ATP8A1: variants seen among roughly 807,000 people sequenced by gnomAD.
ATP8A1 encodes the protein phospholipid-transporting ATPase IA.
ATP8A1 carries 90 observed loss-of-function variants against 177.7 expected under a neutral mutation model. The observed-to-expected ratio is 0.51, with a 90% CI of 0.43 to 0.60. The LOEUF is 0.60. ATP8A1 is among the 20% of genes least tolerant of loss of function. The probability of loss-of-function intolerance (pLI) is 0.00; values close to 1 mark genes in which losing one functional copy is unlikely to be tolerated. For synonymous variants in ATP8A1, 493 were observed against 485.9 expected (o/e 1.01, Z -0.19); for missense variants, 1,072 against 1,392.8 (o/e 0.77, Z 3.67).
chr4:42,637,304 C>G lies in ATP8A1; in HGVS notation c.50-10195G>C, dbSNP rs1190291324. 4 of 481,936 alleles carry G rather than the reference C, an allele frequency of 8.3e-6. No individual in the cohort carries two copies. In the East Asian group the frequency reaches 2.2e-4, roughly 27 times the overall value. The allele number at this position is 481,936 out of a possible 1,614,324, so 29.9% of individuals were successfully genotyped here. On this transcript the variant is annotated intron_variant, in intron 1 of 36. Transcript: ENST00000381668. ...TGTTAACAGCTGCCCTAAACAAGCT[C>G]TGAGTCCAGCACGTTCTGGGACAAC...
intron 20 of ATP8A1, among the ~76,000 whole-genome samples, chr4:42,532,197 T>C (rs552353465): frequency 1.3e-4 from 20 of 151,682 alleles, no homozygotes; most frequent in Admixed American, 2.6e-4. Context: ...AAGATCTCTA[T>C]AAGAAAAACA....
At chr4:42,596,420 C>T (rs941442650) in intron 6 of ATP8A1, among the ~76,000 whole-genome samples, 12 of 151,678 alleles carry the variant, frequency 7.9e-5, no homozygotes, top group African/African-American at 1.9e-4. Flanking sequence ...CTGTAATCCC[C>T]GTACTTTGGG....
At chr4:42,582,845 C>T (rs1733236387) in intron 9 of ATP8A1, among the ~76,000 whole-genome samples, 3 of 152,132 alleles carry the variant, frequency 2.0e-5, no homozygotes, top group South Asian at 4.1e-4. Flanking sequence ...CTGGGTGATA[C>T]AACTCACACA....
At chr4:42,436,598 T>C (rs770461126) in intron 33 of ATP8A1, among the ~76,000 whole-genome samples, 1 of 152,220 alleles carries the variant, frequency 6.6e-6, no homozygotes, top group Non-Finnish European at 1.5e-5. Flanking sequence ...GTTGGGGGCA[T>C]GAGGACTGTG....
chr4:42,596,360 A>G (rs1267279256), intron 6 of ATP8A1, among the ~76,000 whole-genome samples: 1 of 152,162 alleles, frequency 6.6e-6, no homozygotes, highest in Non-Finnish European at 1.5e-5. Flanking sequence ...ATCAGACTGC[A>G]ATAGCCTGAT....
At chr4:42,445,636 A>G (rs1717129659) in intron 31 of ATP8A1, among the ~76,000 whole-genome samples, 1 of 152,230 alleles carries the variant, frequency 6.6e-6, no homozygotes, top group African/African-American at 2.4e-5. Context: ...ACAGCATGTG[A>G]TAAGACACTT....
At chr4:42,471,317 TTCAGGA>T (rs1487971027) in intron 25 of ATP8A1, among the ~76,000 whole-genome samples, 3 of 152,196 alleles carry the variant, frequency 2.0e-5, no homozygotes, top group Non-Finnish European at 4.4e-5. Context: ...GTCATAGGCA[TTCAGGA>T]GACCTTACAA....
chr4:42,466,873 G>C (rs1299105135), intron 25 of ATP8A1, among the ~76,000 whole-genome samples: 2 of 152,204 alleles, frequency 1.3e-5, no homozygotes, highest in Non-Finnish European at 2.9e-5. Flanking sequence ...CTGGACTATA[G>C]TTGACATTTA....
intron 33 of ATP8A1, among the ~76,000 whole-genome samples, chr4:42,424,766 A>C (rs996463207): frequency 5.3e-5 from 8 of 152,236 alleles, no homozygotes; most frequent in African/African-American, 1.4e-4. Context: ...CTGCATTGAC[A>C]TGAGCTTATC....
chr4:42,579,233 AT>A (rs1560481220), intron 11 of ATP8A1, among the ~76,000 whole-genome samples: 2 of 151,596 alleles, frequency 1.3e-5, no homozygotes, highest in African/African-American at 2.4e-5. Flanking sequence ...CTAAGATAAC[AT>A]TTAATATAGG....
At chr4:42,475,306 C>T (rs928591049) in intron 25 of ATP8A1, among the ~76,000 whole-genome samples, 1 of 152,112 alleles carries the variant, frequency 6.6e-6, no homozygotes, top group South Asian at 2.1e-4. Flanking sequence ...TATGCCACCA[C>T]ACCTGGCTAA....
intron 5 of ATP8A1, among the ~76,000 whole-genome samples, chr4:42,608,551 G>A (rs975443723): frequency 1.3e-5 from 2 of 152,126 alleles, no homozygotes; most frequent in Middle Eastern, 6.8e-3. Context: ...GTAGAGATGG[G>A]GTTTCGCCAT....
intron 22 of ATP8A1, among the ~76,000 whole-genome samples, chr4:42,514,908 A>G (rs1725376449): frequency 6.6e-6 from 1 of 152,230 alleles, no homozygotes; most frequent in Non-Finnish European, 1.5e-5. Context: ...TATCTCACAA[A>G]CATTTTTGAG....
chr4:42,612,687 T>C (rs920848094), intron 5 of ATP8A1, among the ~76,000 whole-genome samples: 2 of 152,046 alleles, frequency 1.3e-5, no homozygotes, highest in African/African-American at 4.8e-5. Context: ...TGACAACTTT[T>C]AGGTTCTGAG....
chr4:42,451,885 A>G, intron 30 of ATP8A1, 96 bp downstream of exon 30: 5 of 866,222 alleles, frequency 5.8e-6, no homozygotes, highest in Non-Finnish European at 8.7e-6. Flanking sequence ...ATATCATACA[A>G]TGAAACTGCT....
In ATP8A1 at chr4:42,595,855, T is replaced by C. The variant is rs1476471107; in HGVS notation, c.450+4623A>G. On this transcript the variant is annotated intron_variant, in intron 6 of 36. Coordinates refer to ENST00000381668, the MANE Select transcript of ATP8A1 (RefSeq NM_006095.2). ...TGCTGCTTTCCAACATCTTTACTCA[T>C]TGTAAGACAAAAGAAGGGCTTGTGG... is the stretch of plus-strand genomic sequence containing the variant. Among the ~76,000 whole-genome samples the C allele has an allele frequency of 1.3e-5, 2 of 152,196 alleles. 1 individual carries two copies. Among genetic ancestry groups the C allele is most frequent in the Admixed American group, 1.3e-4 (2 of 15,280 alleles).
intron 16 of ATP8A1, among the ~76,000 whole-genome samples, chr4:42,554,523 C>T (rs10805104): frequency 0.35 from 53,626 of 151,966 alleles, 9,690 homozygotes; most frequent in Non-Finnish European, 0.4. Flanking sequence ...GATACAAAAA[C>T]ACCCCTAGCA....
intron 20 of ATP8A1, among the ~76,000 whole-genome samples, chr4:42,538,650 G>A (rs2153204460): frequency 6.6e-6 from 1 of 152,230 alleles, no homozygotes; most frequent in African/African-American, 2.4e-5. Flanking sequence ...ACAAACACAT[G>A]AAAAAATGCT....
chr4:42,504,056 T>C (rs1724119547), intron 23 of ATP8A1, among the ~76,000 whole-genome samples: 1 of 152,214 alleles, frequency 6.6e-6, no homozygotes, highest in Admixed American at 6.5e-5. Flanking sequence ...CTGTACCTGT[T>C]TGCTACAGCC....
Sources: gnomAD v4.1 joint callset for allele counts (sites outside exome capture counted in the v4.1 genomes callset) on GRCh38, gnomAD v4.1.1 for gene constraint, MANE v1.5 for transcripts, NCBI Gene and HGNC (gene_info 2026-07-23, HGNC 2026-07-21) for gene names.